The following TGM2 variants were observed in gnomAD, a reference collection of about 807,000 sequenced individuals.
The protein encoded by TGM2 is protein-glutamine gamma-glutamyltransferase 2.
Under a neutral mutation model 75.6 loss-of-function variants are expected in TGM2, and 53 were observed. The observed-to-expected ratio is 0.70, with a 90% CI of 0.56 to 0.88. TGM2 has a LOEUF of 0.88. TGM2 is among the 40% of genes least tolerant of loss of function. The probability of loss-of-function intolerance (pLI) is 0.00; values close to 1 mark genes in which losing one functional copy is unlikely to be tolerated. For synonymous variants in TGM2, 374 were observed against 381.1 expected (o/e 0.98, Z 0.22); for missense variants, 842 against 928.5 (o/e 0.91, Z 1.21).
chr20:38,158,880 G>A (rs1385670849), intron 2 of TGM2, among the ~76,000 whole-genome samples: 1 of 152,226 alleles, frequency 6.6e-6, no homozygotes, highest in African/African-American at 2.4e-5. Flanking sequence ...CCTGGAGTTG[G>A]GGGAGGGCCT....
At chr20:38,165,671 AACACACACACACACACAC>A (rs71833660), upstream of TGM2, among the ~76,000 whole-genome samples, 2 of 143,226 alleles carry the variant, frequency 1.4e-5, no homozygotes, top group African/African-American at 5.2e-5. Flanking sequence ...CCCCACCCCC[AACACACACACACACACAC>A]ACACACACAC....
At chr20:38,149,156 G>T (rs1322527643) in intron 4 of TGM2, among the ~76,000 whole-genome samples, 1 of 152,156 alleles carries the variant, frequency 6.6e-6, no homozygotes, top group Non-Finnish European at 1.5e-5. Flanking sequence ...GCTTTCACTT[G>T]CATAGTTCCC....
chr20:38,135,245 G>T (rs1330961429), intron 10 of TGM2, among the ~76,000 whole-genome samples: 2 of 152,204 alleles, frequency 1.3e-5, no homozygotes, highest in East Asian at 3.9e-4. Flanking sequence ...ACTCATTCTA[G>T]GACAGACACT....
At chr20:38,167,096 G>C (rs1254071174), upstream of TGM2, among the ~76,000 whole-genome samples, 1 of 152,132 alleles carries the variant, frequency 6.6e-6, no homozygotes, top group African/African-American at 2.4e-5. Flanking sequence ...TATACGTGGT[G>C]AGCATGCAAT....
chr20:38,151,885 G>A (rs892390334), intron 3 of TGM2, among the ~76,000 whole-genome samples: 1 of 152,164 alleles, frequency 6.6e-6, no homozygotes, highest in Non-Finnish European at 1.5e-5. Context: ...AGAAGGAGCT[G>A]AGGAAGTTGG....
chr20:38,160,598 G>A (rs930063665), intron 2 of TGM2, among the ~76,000 whole-genome samples: 60 of 152,140 alleles, frequency 3.9e-4, no homozygotes, highest in African/African-American at 1.2e-3. Context: ...CCCAGCCTGC[G>A]CTAGAATCCT....
intron 2 of TGM2, among the ~76,000 whole-genome samples, chr20:38,158,778 G>A (rs2075218004): frequency 6.6e-6 from 1 of 152,164 alleles, no homozygotes; most frequent in Non-Finnish European, 1.5e-5. Flanking sequence ...CTGCTTCTCT[G>A]GGCCTCAGTT....
Position 38,146,895 on chromosome 20 carries a change from C to G in TGM2, c.682-1G>C, listed in dbSNP as rs147821507. The G allele has an allele frequency of 6.2e-6, 10 of 1,612,380 alleles. No homozygotes were observed. In the African/African-American group the frequency reaches 9.3e-5, roughly 15 times the overall value. Reference sequence around the variant, plus strand: ...CACCCTGGTCATCGTTGCAGTTGACCTGCAACCAGTGGGGCAGCACGGGGA... The same window carrying G: ...CACCCTGGTCATCGTTGCAGTTGACGTGCAACCAGTGGGGCAGCACGGGGA... On this transcript the variant is annotated splice_acceptor_variant, in intron 5 of 12. Transcript: ENST00000361475. LOFTEE classifies it high-confidence loss of function.
At position 38,150,932 on chromosome 20, in the gene TGM2, C is replaced by T; in HGVS notation, c.552+7G>A. 1 of 1,606,484 alleles carries T rather than the reference C, an allele frequency of 6.2e-7. No homozygotes were observed. On this transcript the variant is annotated splice_region_variant and intron_variant, in intron 4 of 12. Coordinates refer to ENST00000361475, the MANE Select transcript of TGM2 (RefSeq NM_004613.4). Reference sequence around the variant, plus strand: ...GATGGTTGGGAGAGACAGGGTGTGGCCCTTACCTGCCCAAAATTCCAAGGT... The same window carrying T: ...GATGGTTGGGAGAGACAGGGTGTGGTCCTTACCTGCCCAAAATTCCAAGGT...
intron 5 of TGM2, 129 bp downstream of exon 5, chr20:38,147,832 T>G: frequency 7.5e-7 from 1 of 1,330,488 alleles, no homozygotes; most frequent in Non-Finnish European, 1.0e-6. Context: ...CAATATAAGG[T>G]CTTTTCCCCA....
At chr20:38,145,758 CTCTCTT>C (rs1390415927) in intron 6 of TGM2, 1 of 144,816 alleles carries the variant, frequency 6.9e-6, no homozygotes, top group Non-Finnish European at 1.5e-5. Context: ...TTTGTGCTCT[CTCTCTT>C]TTTTTTTTTT....
At chr20:38,139,786 C>T in intron 8 of TGM2, 132 bp from the exon 9 acceptor site, 1 of 1,224,240 alleles carries the variant, frequency 8.2e-7, no homozygotes, top group Non-Finnish European at 1.1e-6. Context: ...AAGGACTCCA[C>T]TTCCAGGAGG....
At chr20:38,161,721 G>A (rs2075256709) in intron 1 of TGM2, 122 bp from the exon 2 acceptor site, 1 of 1,197,512 alleles carries the variant, frequency 8.4e-7, no homozygotes, top group Non-Finnish European at 1.2e-6. Context: ...CACAGCCATT[G>A]TTTCGACTGA....
At chr20:38,142,725 C>T (rs1485913012) in intron 6 of TGM2, among the ~76,000 whole-genome samples, 1 of 152,204 alleles carries the variant, frequency 6.6e-6, no homozygotes, top group Non-Finnish European at 1.5e-5. Flanking sequence ...AAATAAAGTA[C>T]AAATCTGATG....
At chr20:38,165,286 G>C, upstream of TGM2, 1 of 1,597,296 alleles carries the variant, frequency 6.3e-7, no homozygotes, top group Non-Finnish European at 8.5e-7. Flanking sequence ...GGCGGAGAGC[G>C]GCGCTAACTT....
chr20:38,161,647 C>A, intron 1 of TGM2, 48 bp from the exon 2 acceptor site: 1 of 1,607,278 alleles, frequency 6.2e-7, no homozygotes, highest in East Asian at 2.2e-5. Flanking sequence ...ATCCTTCAGA[C>A]CTCCAGTGAT....
At position 38,138,229 on chromosome 20, in the gene TGM2, G is replaced by A; in HGVS notation, c.1499C>T (p.Ala500Val). The A allele has an allele frequency of 6.2e-7, 1 of 1,612,944 alleles. No individual in the cohort carries two copies. The highest frequency in any genetic ancestry group is 1.3e-5 in the African/African-American group (1 of 75,040). ...CAGGAGGCGGCAGACGTACTCCTCA[G>A]CGGTGTTGTTGGTGATGTGGGCAAA... ...DVFAHITNNT[A>V]EEYVCRLLLC... Residue 500 changes from alanine (A) to valine (V), a missense_variant, in exon 10 of 13, where the codon GCT (alanine) becomes GTT (valine). Coordinates refer to ENST00000361475, the MANE Select transcript of TGM2 (RefSeq NM_004613.4).
At chr20:38,149,929 C>A (rs1230421077) in intron 4 of TGM2, among the ~76,000 whole-genome samples, 1 of 152,116 alleles carries the variant, frequency 6.6e-6, no homozygotes, top group Non-Finnish European at 1.5e-5. Flanking sequence ...AGCCTGAGAT[C>A]ATACAGGGAA....
At chr20:38,153,048 GA>G (rs2075133341) in intron 3 of TGM2, among the ~76,000 whole-genome samples, 2 of 121,660 alleles carry the variant, frequency 1.6e-5, no homozygotes, top group South Asian at 3.1e-4. Context: ...CGGGGGGGGG[GA>G]TCCAGTAAGG....
Sources: gnomAD v4.1 joint callset for allele counts (sites outside exome capture counted in the v4.1 genomes callset) on GRCh38, gnomAD v4.1.1 for gene constraint, MANE v1.5 for transcripts, NCBI Gene and HGNC (gene_info 2026-07-23, HGNC 2026-07-21) for gene names.